Variants in PCDHGA6 observed in about 807,000 individuals in gnomAD.
PCDHGA6 encodes the protein protocadherin gamma-A6.
Under a neutral mutation model 60.6 loss-of-function variants are expected in PCDHGA6, and 41 were observed. That is an observed-to-expected ratio of 0.68 (90% confidence interval 0.53 to 0.88). PCDHGA6 has a LOEUF of 0.88. Among genes scored for constraint, PCDHGA6 ranks in the 40% least tolerant of loss-of-function variants. The pLI, the probability that PCDHGA6 is intolerant of heterozygous loss-of-function variation, is 0.00. For synonymous variants in PCDHGA6, 594 were observed against 524.4 expected (o/e 1.13, Z -1.81); for missense variants, 1,312 against 1,203.0 (o/e 1.09, Z -1.34).
Position 141,477,865 on chromosome 5 carries a change from T to A in PCDHGA6, c.2425-16942T>A, listed in dbSNP as rs1380570615. On this transcript the variant is annotated intron_variant, in intron 1 of 3. Transcript: ENST00000517434. This position sits in a 1 kb window ranked among gnomAD's most constrained non-coding sequence, Gnocchi z 4.9. ...GCTCGGTGGAGATGCTGCCTCGAGG[T>A]ACCTCAGCTGGCCACCTAGTGTCAC... 6.2e-7 allele frequency: 1 copy of A among 1,612,698 alleles called. No individual in the cohort carries two copies. Among genetic ancestry groups the A allele is most frequent in the Non-Finnish European group, 8.5e-7 (1 of 1,179,562 alleles).
rs371650654 is a variant in PCDHGA6 at position 141,375,963 on chromosome 5, G to C, written c.1880G>C (p.Arg627Pro). The change falls in exon 1 of 4, where the codon CGC becomes CCC. Residue 627 changes from arginine to proline, a missense_variant. Coordinates refer to ENST00000517434, the MANE Select transcript of PCDHGA6 (RefSeq NM_018919.3). ...GTGGGCCTGCACACGGGCGAGGTGC[G>C]CACGGCGCGCGCCCTGCTGGACAGA... ...FSVGLHTGEV[R>P]TARALLDRDA... 2.5e-6 allele frequency: 4 copies of C among 1,613,262 alleles called. No individual in the cohort carries two copies. Among genetic ancestry groups the C allele is most frequent in the Non-Finnish European group, 2.5e-6 (3 of 1,179,904 alleles).
In PCDHGA6 at chr5:141,492,559, C is replaced by A. The variant is rs533830391; in HGVS notation, c.2425-2248C>A. ...GGGCTGGGCCGGGTCGCCTGGGGGG[C>A]GGCCTGAGCGAGGCGCGGGGCCAGG... On this transcript the variant is annotated intron_variant, in intron 1 of 3. Coordinates refer to ENST00000517434, the MANE Select transcript of PCDHGA6 (RefSeq NM_018919.3). 2.6e-5 allele frequency among the ~76,000 whole-genome samples: 4 copies of A among 152,292 alleles called. No individual in the cohort carries two copies. The East Asian group carries it at 7.7e-4, about 29-fold the overall frequency.
intron 1 of PCDHGA6, chr5:141,383,918 TA>T: frequency 6.2e-7 from 1 of 1,613,948 alleles, no homozygotes; most frequent in Non-Finnish European, 8.5e-7. Flanking sequence ...GTTTTAGATG[TA>T]AATGATAATG....
intron 1 of PCDHGA6, chr5:141,422,738 C>G: frequency 6.2e-7 from 1 of 1,609,538 alleles, no homozygotes; most frequent in Non-Finnish European, 8.5e-7. Flanking sequence ...CCTCTGTCCT[C>G]CTATGTCTCT....
rs199514730 is a variant in PCDHGA6 at position 141,374,139 on chromosome 5, T to C, written c.56T>C (p.Leu19Pro). 615 of 1,609,262 alleles carry C rather than the reference T, an allele frequency of 3.8e-4. No individual in the cohort carries two copies. Among genetic ancestry groups the C allele is most frequent in the Non-Finnish European group, 4.6e-4 (547 of 1,177,006 alleles). ...AGCGAGCAGGTCCTGCTCCTCACGC[T>C]CCTGGGGACGCTGTGGGGGGCCGCG... ...QRSEQVLLLTLLGTLWGAAAA... is the reference protein window; with the variant it reads ...QRSEQVLLLTPLGTLWGAAAA... Residue 19 changes from leucine (L) to proline (P), a missense_variant, in exon 1 of 4, where the codon CTC becomes CCC. Transcript: ENST00000517434.
intron 1 of PCDHGA6, among the ~76,000 whole-genome samples, chr5:141,458,102 A>G (rs1314999618): frequency 6.6e-6 from 1 of 152,246 alleles, no homozygotes; most frequent in Admixed American, 6.5e-5. Context: ...GTACTTACAG[A>G]TAGTCTCCAA....
chr5:141,430,994 C>T, intron 1 of PCDHGA6: 1 of 1,613,950 alleles, frequency 6.2e-7, no homozygotes, highest in East Asian at 2.2e-5. Context: ...CGCCCTGAAT[C>T]CGCGCAGCGG....
chr5:141,466,809 CA>C (rs1454424644), intron 1 of PCDHGA6, among the ~76,000 whole-genome samples: 1 of 152,102 alleles, frequency 6.6e-6, no homozygotes, highest in Non-Finnish European at 1.5e-5. Flanking sequence ...CCTATTCAGA[CA>C]TGGTATAACA....
rs1374190670 is a variant in PCDHGA6 at position 141,487,196 on chromosome 5, G to C, written c.2425-7611G>C. ...GGAAGACACTCATCCAGTTGTCCCAGATCTTCGAGAATCTTCAGCTCCAAG... is the reference window on the plus strand; with the variant it reads ...GGAAGACACTCATCCAGTTGTCCCACATCTTCGAGAATCTTCAGCTCCAAG... On this transcript the variant is annotated intron_variant, in intron 1 of 3. Coordinates refer to ENST00000517434, the MANE Select transcript of PCDHGA6 (RefSeq NM_018919.3). The surrounding 1 kb of genome is among the most constrained non-coding windows in gnomAD (Gnocchi z 5.0). 6.2e-7 allele frequency: 1 copy of C among 1,613,878 alleles called. No homozygotes were observed. Among genetic ancestry groups the C allele is most frequent in the Admixed American group, 1.7e-5 (1 of 60,030 alleles).
chr5:141,376,213 G>A lies in PCDHGA6; in HGVS notation c.2130G>A (p.Val710=), dbSNP rs754053100. 3 of 1,614,224 alleles carry A rather than the reference G, an allele frequency of 1.9e-6. No homozygotes were observed. The highest frequency in any genetic ancestry group is 1.1e-5 in the South Asian group (1 of 91,080). ...VSCVFLAFVI[V]LLALRLQRWH... is the part of the protein sequence containing the mutation. ...GCGTCTTCCTGGCCTTCGTCATCGT[G>A]CTGCTGGCGCTCAGACTGCAGCGCT... The change falls in exon 1 of 4, where the codon GTG becomes GTA. Residue 710 remains valine (V), a synonymous_variant. Coordinates refer to ENST00000517434, the MANE Select transcript of PCDHGA6 (RefSeq NM_018919.3).
Position 141,425,378 on chromosome 5 carries a change from C to T in PCDHGA6, c.2424+48871C>T, listed in dbSNP as rs372445707. Among the ~76,000 whole-genome samples the T allele has an allele frequency of 1.6e-4, 25 of 152,174 alleles. 1 individual carries two copies. The highest frequency in any genetic ancestry group is 3.9e-4 in the African/African-American group (16 of 41,522). On this transcript the variant is annotated intron_variant, in intron 1 of 3. Transcript: ENST00000517434. ...TGATATTAAGAGGGTTATGTTGATTCGGAGGTAGTGATAAAGTTCTGTTAA... is the reference window on the plus strand; with the variant it reads ...TGATATTAAGAGGGTTATGTTGATTTGGAGGTAGTGATAAAGTTCTGTTAA...
At chr5:141,479,740 C>T (rs1434967266) in intron 1 of PCDHGA6, 1 of 152,168 alleles carries the variant, frequency 6.6e-6, no homozygotes, top group Non-Finnish European at 1.5e-5. Context: ...AGTATATGCA[C>T]AATGTGAAAG....
chr5:141,421,297 C>T (rs143092131), intron 1 of PCDHGA6: 106 of 1,613,512 alleles, frequency 6.6e-5, no homozygotes, highest in Non-Finnish European at 8.5e-5. Flanking sequence ...CCTGGGGACG[C>T]TGCGGGGGTT....
chr5:141,397,988 C>A, intron 1 of PCDHGA6: 2 of 1,327,490 alleles, frequency 1.5e-6, no homozygotes, highest in Non-Finnish European at 1.0e-6. Flanking sequence ...CTTTACACCG[C>A]TTCCTCCTCG....
intron 1 of PCDHGA6, among the ~76,000 whole-genome samples, chr5:141,465,116 C>A (rs2099097321): frequency 6.6e-6 from 1 of 150,972 alleles, no homozygotes; most frequent in Non-Finnish European, 1.5e-5. Context: ...AGTGTTTTAG[C>A]CTAAATTTGT....
In PCDHGA6 at chr5:141,388,846, A is replaced by G. The variant is rs758753526; in HGVS notation, c.2424+12339A>G. ...TATTCCATAGTTTTGGAAGCAAGGG[A>G]CGGTGGAGGAATGATTGCGCAATGC... On this transcript the variant is annotated intron_variant, in intron 1 of 3. Coordinates refer to ENST00000517434, the MANE Select transcript of PCDHGA6 (RefSeq NM_018919.3). The G allele has an allele frequency of 5.6e-6, 9 of 1,613,870 alleles. No homozygotes were observed. In the East Asian group the frequency reaches 2.0e-4, roughly 36 times the overall value.
intron 1 of PCDHGA6, chr5:141,404,403 A>C (rs767148207): frequency 6.2e-7 from 1 of 1,613,896 alleles, no homozygotes; most frequent in Admixed American, 1.7e-5. Context: ...AGCAATGAGA[A>C]TTCTAGAGTT....
chr5:141,383,662 G>A (rs780831620), intron 1 of PCDHGA6: 10 of 1,614,042 alleles, frequency 6.2e-6, no homozygotes, highest in South Asian at 1.1e-5. Flanking sequence ...CCCCGAGAAT[G>A]TGCCAGTGGG....
chr5:141,378,324 A>G (rs1774802625), intron 1 of PCDHGA6: 1 of 152,258 alleles, frequency 6.6e-6, no homozygotes, highest in African/African-American at 2.4e-5. Flanking sequence ...GGAGTTCGAG[A>G]CCAGCCTGAC....
Sources: allele counts gnomAD v4.1 joint callset (sites outside exome capture counted in the v4.1 genomes callset), GRCh38; gene constraint gnomAD v4.1.1; non-coding constraint Gnocchi (gnomAD v3.1); transcripts MANE v1.5; gene names NCBI Gene and HGNC (gene_info 2026-07-23, HGNC 2026-07-21).